ASTN2: variants seen among roughly 807,000 people sequenced by gnomAD.
ASTN2 encodes the protein astrotactin-2.
A neutral mutation model predicts 139.8 loss-of-function variants in ASTN2; 54 were observed. That is an observed-to-expected ratio of 0.39 (90% CI 0.31 to 0.48). ASTN2 has a LOEUF of 0.48. Among genes scored for constraint, ASTN2 ranks in the 20% least tolerant of loss-of-function variants. The pLI is 0.95. For synonymous variants in ASTN2, 756 were observed against 719.5 expected (o/e 1.05, Z -0.81); for missense variants, 1,565 against 1,725.1 (o/e 0.91, Z 1.64).
chr9:117,360,298 A>G (rs1473592245), intron 1 of ASTN2, among the ~76,000 whole-genome samples: 1 of 152,170 alleles, frequency 6.6e-6, no homozygotes, highest in African/African-American at 2.4e-5. Flanking sequence ...GCAATTAAAT[A>G]GGTAATGAGG....
chr9:117,060,195 C>T (rs1361684136), intron 5 of ASTN2, among the ~76,000 whole-genome samples: 1 of 151,390 alleles, frequency 6.6e-6, no homozygotes, highest in African/African-American at 2.4e-5. Flanking sequence ...CTTGCAGTTC[C>T]AGCTACCTGG....
At chr9:117,071,364 G>C (rs561068196) in intron 5 of ASTN2, among the ~76,000 whole-genome samples, 2,438 of 148,532 alleles carry the variant, frequency 0.016, 96 homozygotes, top group African/African-American at 0.058. Context: ...GGCAGTCTGC[G>C]GGTTCTCAGA....
intron 2 of ASTN2, among the ~76,000 whole-genome samples, chr9:117,251,606 T>C (rs560744917): frequency 3.3e-4 from 51 of 152,298 alleles, no homozygotes; most frequent in African/African-American, 1.2e-3. Flanking sequence ...CTAAAGCCCT[T>C]GCTATGATAC....
Position 116,424,159 on chromosome 9 carries a change from G to C in ASTN2, c.*1692C>G, listed in dbSNP as rs1847247551. Reference sequence around the variant, plus strand: ...TACCCTCCCAGGGAAGGGTACACTGGAAGCAGTGCAATTACCATTTAAAAG... The same window carrying C: ...TACCCTCCCAGGGAAGGGTACACTGCAAGCAGTGCAATTACCATTTAAAAG... On this transcript the variant is annotated 3_prime_UTR_variant, in exon 23 of 23. Transcript: ENST00000313400. Among the ~76,000 whole-genome samples the C allele has an allele frequency of 6.6e-6, 1 of 152,062 alleles. No homozygotes were observed. Among genetic ancestry groups the C allele is most frequent in the African/African-American group, 2.4e-5 (1 of 41,392 alleles).
intron 5 of ASTN2, among the ~76,000 whole-genome samples, chr9:117,079,221 T>C (rs903172076): frequency 6.6e-5 from 10 of 152,156 alleles, no homozygotes; most frequent in African/African-American, 2.4e-4. Flanking sequence ...CCACGTGTGG[T>C]GGTGCGTGAC....
chr9:116,514,944 C>T (rs933346700), intron 19 of ASTN2, among the ~76,000 whole-genome samples: 43 of 152,242 alleles, frequency 2.8e-4, no homozygotes, highest in African/African-American at 9.4e-4. Flanking sequence ...TTGTGCTTCC[C>T]GGGTGAGGCG....
At chr9:116,691,926 T>C (rs1441032844) in intron 16 of ASTN2, among the ~76,000 whole-genome samples, 2 of 152,210 alleles carry the variant, frequency 1.3e-5, no homozygotes, top group Non-Finnish European at 2.9e-5. Flanking sequence ...AGCGTGTCAA[T>C]AGTAGGATGG....
intron 17 of ASTN2, among the ~76,000 whole-genome samples, chr9:116,630,696 T>C (rs966357840): frequency 6.6e-6 from 1 of 151,924 alleles, no homozygotes; most frequent in Non-Finnish European, 1.5e-5. Context: ...AAAGCAAAAA[T>C]AGACAAATAG....
chr9:117,269,169 A>C (rs1284964720), intron 2 of ASTN2, among the ~76,000 whole-genome samples: 1 of 152,200 alleles, frequency 6.6e-6, no homozygotes, highest in Non-Finnish European at 1.5e-5. Flanking sequence ...TGGAGGCCAA[A>C]TTAAGAATCC....
At chr9:116,760,125 A>ATACTCCATG (rs1479893576) in intron 13 of ASTN2, among the ~76,000 whole-genome samples, 4 of 152,224 alleles carry the variant, frequency 2.6e-5, no homozygotes, top group Non-Finnish European at 5.9e-5. Flanking sequence ...ACATGTGCAC[A>ATACTCCATG]TACTCCATGG....
chr9:117,192,062 C>G (rs1026191142), intron 3 of ASTN2, among the ~76,000 whole-genome samples: 2 of 151,408 alleles, frequency 1.3e-5, no homozygotes, highest in Admixed American at 6.6e-5. Flanking sequence ...TGGTGACATT[C>G]CTGTTTGTGA....
At chr9:117,390,346 T>C (rs996555544) in intron 1 of ASTN2, among the ~76,000 whole-genome samples, 1 of 152,204 alleles carries the variant, frequency 6.6e-6, no homozygotes, top group African/African-American at 2.4e-5. Flanking sequence ...ATTAACTCAC[T>C]GTTATTAACT....
intron 1 of ASTN2, among the ~76,000 whole-genome samples, chr9:117,366,042 G>A (rs528514335): frequency 3.8e-4 from 58 of 152,198 alleles, no homozygotes; most frequent in Admixed American, 1.9e-3. Flanking sequence ...GCCTCTGTTC[G>A]TTTCCCCTTG....
chr9:117,414,404 G>A lies in ASTN2; in HGVS notation c.442+93C>T, dbSNP rs1357942577. 15 of 1,553,976 alleles carry A rather than the reference G, an allele frequency of 9.7e-6. No homozygotes were observed. In the African/African-American group the frequency reaches 1.1e-4, roughly 12 times the overall value. ...TGCCAACCCCACTCGGGGCAGCCCC[G>A]GGCAGGGATCCCCAGGGCGCCCCCA... On this transcript the variant is annotated intron_variant, in intron 1 of 22. Transcript: ENST00000313400. The surrounding 1 kb of genome is among the most constrained non-coding windows in gnomAD (Gnocchi z 4.2).
chr9:117,298,677 T>TATATATATATATGTGC lies in ASTN2; in HGVS notation c.443-7165_443-7164insGCACATATATATATAT, dbSNP rs1564133162. Among the ~76,000 whole-genome samples the TATATATATATATGTGC allele has an allele frequency of 3.1e-5, 4 of 131,116 alleles. No homozygotes were observed. The Admixed American group carries it at 3.4e-4, about 11-fold the overall frequency. 86.0% of individuals were successfully genotyped at this position (131,116 alleles called of 152,430 possible). A position where few individuals can be genotyped will look rare whatever the true frequency, so the allele number is the denominator to read the frequency against. On this transcript the variant is annotated intron_variant, in intron 1 of 22. Transcript: ENST00000313400. ...GTGTGTATATATATATGTGTATATA[T>TATATATATATATGTGC]ATATATATATATATGTGCATATGTA... is the stretch of plus-strand genomic sequence containing the variant.
At chr9:116,902,849 TG>T (rs1389616068) in intron 10 of ASTN2, among the ~76,000 whole-genome samples, 1 of 152,112 alleles carries the variant, frequency 6.6e-6, no homozygotes, top group Non-Finnish European at 1.5e-5. Flanking sequence ...CAGGAGTAAA[TG>T]TTTTTTTACT....
At chr9:117,386,651 C>T (rs1830407652) in intron 1 of ASTN2, among the ~76,000 whole-genome samples, 1 of 152,058 alleles carries the variant, frequency 6.6e-6, no homozygotes, top group Admixed American at 6.6e-5. Flanking sequence ...GAGGTAAGTT[C>T]TGTAAGGTCC....
At chr9:116,920,180 C>G (rs925695836) in intron 10 of ASTN2, among the ~76,000 whole-genome samples, 1 of 152,166 alleles carries the variant, frequency 6.6e-6, no homozygotes, top group African/African-American at 2.4e-5. Context: ...AGCAGTTTCC[C>G]TGGATAAAGG....
rs1417779908 is a variant in ASTN2 at position 116,903,628 on chromosome 9, C to T, written c.1890-39895G>A. On this transcript the variant is annotated intron_variant, in intron 10 of 22. Coordinates refer to ENST00000313400, the MANE Select transcript of ASTN2 (RefSeq NM_001365068.1). ...CTGGGTGCTGAACCCACCTCCTCCT[C>T]TTCTGGATATGAGACATACTCTCTC... 3.9e-5 allele frequency among the ~76,000 whole-genome samples: 6 copies of T among 152,320 alleles called. No homozygotes were observed. The East Asian group carries it at 1.2e-3, about 29-fold the overall frequency.
Sources: gnomAD v4.1 joint callset for allele counts (sites outside exome capture counted in the v4.1 genomes callset) on GRCh38, gnomAD v4.1.1 for gene constraint, Gnocchi (gnomAD v3.1) non-coding constraint, MANE v1.5 for transcripts, NCBI Gene and HGNC (gene_info 2026-07-23, HGNC 2026-07-21) for gene names.